Variants in PAQR3 observed in about 807,000 individuals in gnomAD.
The protein encoded by PAQR3 is Raf kinase trapping to Golgi.
Under a neutral mutation model 41.7 loss-of-function variants are expected in PAQR3, and 39 were observed. The ratio of observed to expected loss-of-function variants is 0.93; its 90% confidence interval spans 0.72 to 1.22. The LOEUF is 1.22. PAQR3 is among the 50% of genes most tolerant of loss of function. PAQR3 has a pLI of 0.00. For missense variants in PAQR3, 366 were observed against 385.6 expected (o/e 0.95, Z 0.42); for synonymous variants, 140 against 140.6 (o/e 1.00, Z 0.03).
chr4:78,930,444 T>C, intron 2 of PAQR3, 119 bp from the exon 3 acceptor site: 1 of 1,057,276 alleles, frequency 9.5e-7, no homozygotes, highest in Middle Eastern at 2.7e-4. Context: ...TGGGCTTGGA[T>C]TCTAGCTCTG....
At chr4:78,911,589 T>C, downstream of PAQR3, 1 of 1,613,920 alleles carries the variant, frequency 6.2e-7, no homozygotes, top group Non-Finnish European at 8.5e-7. Context: ...CCTATCGCAC[T>C]CCAGAGAGGG....
downstream of PAQR3, among the ~76,000 whole-genome samples, chr4:78,909,119 T>G (rs1209836330): frequency 3.5e-5 from 5 of 143,122 alleles, no homozygotes; most frequent in Non-Finnish European, 7.5e-5. Flanking sequence ...AGTGCAGTGG[T>G]GCGATCTTGG....
chr4:78,895,339 T>A (rs1733646929), intron 11 of PAQR3, among the ~76,000 whole-genome samples: 1 of 152,236 alleles, frequency 6.6e-6, no homozygotes, highest in Admixed American at 6.5e-5. Context: ...AGGTACAGAT[T>A]TCTCTGCAAA....
At chr4:78,904,760 C>T (rs1377433388) in intron 11 of PAQR3, among the ~76,000 whole-genome samples, 5 of 151,762 alleles carry the variant, frequency 3.3e-5, no homozygotes, top group South Asian at 2.1e-4. Context: ...GTTAAGTAGA[C>T]GTATACCTTC....
chr4:78,935,092 C>T (rs2110171868), intron 2 of PAQR3, 29 bp downstream of exon 2: 1 of 1,605,252 alleles, frequency 6.2e-7, no homozygotes, highest in African/African-American at 1.3e-5. Flanking sequence ...GTTCTCTTTA[C>T]CAACAGCAGT....
Position 78,926,647 on chromosome 4 carries a change from G to C in PAQR3, c.576C>G (p.Pro192=). Residue 192 remains proline, a synonymous_variant, in exon 4 of 6, where the codon CCC becomes CCG. Coordinates refer to ENST00000512733, the MANE Select transcript of PAQR3 (RefSeq NM_001040202.2). ...TTTGCCATTGCTGCGTGAGGTAATT[G>C]GGATGAATCTGCGCAAAGAACACTG... is the stretch of plus-strand genomic sequence containing the variant. ...ILAVFFAQIH[P]NYLTQQWQRL... 6.2e-7 allele frequency: 1 copy of C among 1,613,970 alleles called. No homozygotes were observed. Among genetic ancestry groups the C allele is most frequent in the Non-Finnish European group, 8.5e-7 (1 of 1,179,910 alleles).
In PAQR3 at chr4:78,919,492, A is replaced by G. The variant is rs1424965445; in HGVS notation, c.*1047T>C. 5 of 985,002 alleles carry G rather than the reference A, an allele frequency of 5.1e-6. No homozygotes were observed. In the African/African-American group the frequency reaches 5.2e-5, roughly 10 times the overall value. 61.0% of individuals were successfully genotyped at this position (985,002 alleles called of 1,614,324 possible). On this transcript the variant is annotated 3_prime_UTR_variant, in exon 6 of 6. Coordinates refer to ENST00000512733, the MANE Select transcript of PAQR3 (RefSeq NM_001040202.2). The stretch of plus-strand genomic sequence containing the variant: ...TGTTTATCAAGATTCTGAGTTATCA[A>G]TGCAATGCTAACACATGCAGAAACC...
chr4:78,927,993 T>A (rs1006819819), intron 3 of PAQR3, among the ~76,000 whole-genome samples: 12 of 152,216 alleles, frequency 7.9e-5, no homozygotes, highest in Non-Finnish European at 1.5e-4. Context: ...ACTGAGTGTT[T>A]GAAAATGATT....
chr4:78,936,936 A>G (rs1159573966), intron 1 of PAQR3, among the ~76,000 whole-genome samples: 1 of 150,930 alleles, frequency 6.6e-6, no homozygotes, highest in Non-Finnish European at 1.5e-5. Context: ...GGCAAAGGCT[A>G]AACTTGGAAA....
intron 11 of PAQR3, among the ~76,000 whole-genome samples, chr4:78,889,177 T>A (rs1027236002): frequency 2.9e-5 from 4 of 136,094 alleles, no homozygotes; most frequent in Non-Finnish European, 6.0e-5. Flanking sequence ...GCCGAGATCG[T>A]GCCAGTGCAC....
chr4:78,936,022 C>T (rs1457645735), intron 1 of PAQR3, among the ~76,000 whole-genome samples: 1 of 152,178 alleles, frequency 6.6e-6, no homozygotes, highest in East Asian at 1.9e-4. Flanking sequence ...CTTGGCAGCA[C>T]AGGTTGCTAG....
At chr4:78,902,132 T>TA (rs1254550682) in intron 11 of PAQR3, among the ~76,000 whole-genome samples, 3 of 152,168 alleles carry the variant, frequency 2.0e-5, no homozygotes, top group African/African-American at 7.2e-5. Flanking sequence ...CAATAATAGT[T>TA]ACGATATACT....
Position 78,911,923 on chromosome 4 carries a change from G to T in PAQR3, c.*8616C>A. The T allele has an allele frequency of 6.2e-7, 1 of 1,613,966 alleles. No individual in the cohort carries two copies. On this transcript the variant is annotated 3_prime_UTR_variant, in exon 6 of 6. Coordinates refer to ENST00000512733, the MANE Select transcript of PAQR3 (RefSeq NM_001040202.2). ...ATTGAAAATGGATGATTTTGGTGCC[G>T]TGCCCTTTACAGAACTTGTGGTGCA...
rs1256028240 is a variant in PAQR3 at position 78,917,096 on chromosome 4, C to T, written c.*3443G>A. On this transcript the variant is annotated 3_prime_UTR_variant, in exon 6 of 6. Transcript: ENST00000512733. The stretch of plus-strand genomic sequence containing the variant: ...GAATAGTTTGCAGTGTATTACTGTT[C>T]AAATTCAGTTATAGTTACTTGAGAT... The T allele has an allele frequency of 6.6e-6, 1 of 151,940 alleles. No individual in the cohort carries two copies. The highest frequency in any genetic ancestry group is 1.5e-5 in the Non-Finnish European group (1 of 67,888). The allele number at this position is 151,940 out of a possible 1,614,324, so 9.4% of individuals were successfully genotyped here.
Position 78,919,691 on chromosome 4 carries a change from A to G in PAQR3, c.*848T>C, listed in dbSNP as rs2110130073. On this transcript the variant is annotated 3_prime_UTR_variant, in exon 6 of 6. Coordinates refer to ENST00000512733, the MANE Select transcript of PAQR3 (RefSeq NM_001040202.2). ...ACCACTGGGATATTCAGGACTACAA[A>G]TTCAGAGAGTTGAAAGCTCTGGAAT... is the stretch of plus-strand genomic sequence containing the variant. 1.0e-6 allele frequency: 1 copy of G among 985,172 alleles called. No homozygotes were observed. Among genetic ancestry groups the G allele is most frequent in the East Asian group, 1.1e-4 (1 of 8,814 alleles). The allele number at this position is 985,172 out of a possible 1,614,324, so 61.0% of individuals were successfully genotyped here.
At chr4:78,888,925 A>T (rs904324188) in intron 11 of PAQR3, among the ~76,000 whole-genome samples, 10 of 152,220 alleles carry the variant, frequency 6.6e-5, no homozygotes, top group Non-Finnish European at 1.2e-4. Flanking sequence ...GCCTTAAAAA[A>T]AATGCCCATT....
chr4:78,935,435 T>G (rs1446359351), intron 1 of PAQR3, 152 bp from the exon 2 acceptor site: 1 of 571,938 alleles, frequency 1.7e-6, no homozygotes, highest in East Asian at 3.1e-5. Context: ...TATTATCTAA[T>G]TAAATTATTC....
At chr4:78,933,371 A>G (rs971408657) in intron 2 of PAQR3, 1 of 424,924 alleles carries the variant, frequency 2.4e-6, no homozygotes. Flanking sequence ...ATTACATTCT[A>G]TTGTTCAGAA....
intron 11 of PAQR3, among the ~76,000 whole-genome samples, chr4:78,894,143 T>C (rs558410212): frequency 1.3e-5 from 2 of 152,338 alleles, no homozygotes; most frequent in Admixed American, 1.3e-4. Context: ...ACAGAGTAGT[T>C]TTAGCATAGT....
Sources: gnomAD v4.1 joint callset for allele counts (sites outside exome capture counted in the v4.1 genomes callset) on GRCh38, gnomAD v4.1.1 for gene constraint, MANE v1.5 for transcripts, NCBI Gene and HGNC (gene_info 2026-07-23, HGNC 2026-07-21) for gene names.